Variants in DNAJC13 observed in about 807,000 individuals in gnomAD.
The protein encoded by DNAJC13 is dnaJ homolog subfamily C member 13.
In DNAJC13, 75 loss-of-function variants were observed where a neutral mutation model predicts 290.5. That is an observed-to-expected ratio of 0.26 (90% CI 0.21 to 0.31). The LOEUF is 0.31. Ranked by LOEUF, DNAJC13 falls within the 10% of genes least tolerant of loss-of-function variation. DNAJC13 has a pLI of 1.00. For synonymous variants in DNAJC13, 862 were observed against 892.0 expected (o/e 0.97, Z 0.60); for missense variants, 2,260 against 2,674.5 (o/e 0.85, Z 3.42).
At chr3:132,505,462 A>C in intron 42 of DNAJC13, 47 bp downstream of exon 42, 1 of 1,255,800 alleles carries the variant, frequency 8.0e-7, no homozygotes, top group Non-Finnish European at 1.1e-6. Flanking sequence ...TTCTGATGGA[A>C]TCTCTGGAAG....
At chr3:132,427,938 T>A (rs995035058) in intron 1 of DNAJC13, among the ~76,000 whole-genome samples, 1 of 152,202 alleles carries the variant, frequency 6.6e-6, no homozygotes, top group African/African-American at 2.4e-5. Context: ...TTATAAAAAT[T>A]CTCCAGCTTT....
At chr3:132,467,344 G>T (rs926797724) in intron 20 of DNAJC13, 31 bp downstream of exon 20, 8 of 1,609,906 alleles carry the variant, frequency 5.0e-6, no homozygotes, top group Non-Finnish European at 6.8e-6. Context: ...CAAATTCCTG[G>T]CACTTCTGTG....
chr3:132,523,457 T>C, intron 50 of DNAJC13, 83 bp from the exon 51 acceptor site: 1 of 1,456,560 alleles, frequency 6.9e-7, no homozygotes, highest in South Asian at 1.3e-5. Context: ...TGGTTAACAT[T>C]ATAAACAATT....
intron 41 of DNAJC13, among the ~76,000 whole-genome samples, chr3:132,504,845 T>G (rs1935535084): frequency 6.6e-6 from 1 of 152,146 alleles, no homozygotes; most frequent in Admixed American, 6.5e-5. Context: ...AAATCTGACT[T>G]TCTCCCCATA....
At position 132,516,505 on chromosome 3, in the gene DNAJC13, T is replaced by G. The variant is rs1420589019; in HGVS notation, c.5560+9T>G. 6.2e-7 allele frequency: 1 copy of G among 1,613,236 alleles called. No homozygotes were observed. Among genetic ancestry groups the G allele is most frequent in the East Asian group, 2.2e-5 (1 of 44,854 alleles). The stretch of plus-strand genomic sequence containing the variant: ...AGAAGCAATGGCAAAGGGTAATGTA[T>G]AGAGTGCTTTCTTAGCTAGTCATGT... On this transcript the variant is annotated intron_variant, in intron 47 of 55. Coordinates refer to ENST00000260818, the MANE Select transcript of DNAJC13 (RefSeq NM_015268.4).
chr3:132,432,196 T>G (rs557978483), intron 1 of DNAJC13, among the ~76,000 whole-genome samples: 1 of 152,164 alleles, frequency 6.6e-6, no homozygotes, highest in South Asian at 2.1e-4. Context: ...GTTTTTGTTT[T>G]GTTTTGTTTT....
At chr3:132,507,097 T>G in intron 42 of DNAJC13, 140 bp from the exon 43 acceptor site, 1 of 521,666 alleles carries the variant, frequency 1.9e-6, no homozygotes, top group Non-Finnish European at 3.4e-6. Flanking sequence ...CCAAAGTCTT[T>G]TTAAGTGCTG....
At chr3:132,496,411 A>T in intron 35 of DNAJC13, 117 bp from the exon 36 acceptor site, 1 of 993,790 alleles carries the variant, frequency 1.0e-6, no homozygotes, top group South Asian at 2.3e-5. Context: ...TGAATACCTT[A>T]ATATAAACAA....
In DNAJC13 at chr3:132,478,087, GAAGA is replaced by G. The variant is rs1934533858; in HGVS notation, c.2659_2662del (p.Glu887Ter). 6.2e-7 allele frequency: 1 copy of G among 1,613,270 alleles called. No homozygotes were observed. Among genetic ancestry groups the G allele is most frequent in the East Asian group, 2.2e-5 (1 of 44,792 alleles). On this transcript the variant is annotated frameshift_variant, in exon 24 of 56. Transcript: ENST00000260818. LOFTEE classifies it high-confidence loss of function. ...TGCTATTGTTTATGGCAGATGTCAC[GAAGA>G]AATAGGACCTTTTACAGATACCAGA...
chr3:132,427,136 T>A (rs867197828), intron 1 of DNAJC13, among the ~76,000 whole-genome samples: 5,415 of 144,220 alleles, frequency 0.038, 149 homozygotes, highest in East Asian at 0.12. Context: ...TATATATATT[T>A]TTTTTTTTTT....
At chr3:132,420,796 C>T (rs902356636) in intron 1 of DNAJC13, among the ~76,000 whole-genome samples, 2 of 152,104 alleles carry the variant, frequency 1.3e-5, no homozygotes, top group Non-Finnish European at 2.9e-5. Context: ...CAGATTAACA[C>T]AAACCCTTCA....
At chr3:132,438,943 G>C (rs1458736991) in intron 2 of DNAJC13, among the ~76,000 whole-genome samples, 2 of 152,152 alleles carry the variant, frequency 1.3e-5, no homozygotes, top group Non-Finnish European at 2.9e-5. Context: ...TTTCTGTTTT[G>C]GCCTAAGTAA....
intron 43 of DNAJC13, among the ~76,000 whole-genome samples, chr3:132,508,960 C>A (rs1935687254): frequency 6.6e-6 from 1 of 152,200 alleles, no homozygotes; most frequent in African/African-American, 2.4e-5. Context: ...CACCCAAGAG[C>A]TCCGATGGAG....
intron 20 of DNAJC13, among the ~76,000 whole-genome samples, chr3:132,470,752 G>A (rs1164331420): frequency 1.3e-3 from 140 of 106,318 alleles, no homozygotes; most frequent in African/African-American, 5.3e-3. Flanking sequence ...GGGCAGAGGC[G>A]CCCCTCACCT....
intron 50 of DNAJC13, 100 bp from the exon 51 acceptor site, chr3:132,523,440 T>C: frequency 7.3e-7 from 1 of 1,368,538 alleles, no homozygotes; most frequent in Non-Finnish European, 1.0e-6. Flanking sequence ...TATGGCTGTT[T>C]GTGGACTGGT....
chr3:132,488,110 A>G lies in DNAJC13; in HGVS notation c.3268-188A>G, dbSNP rs556181066. ...GATCAATTCTCAATTGATGTTCTGCATTAAATGTTGTAGAATGAATCATTT... is the reference window on the plus strand; with the variant it reads ...GATCAATTCTCAATTGATGTTCTGCGTTAAATGTTGTAGAATGAATCATTT... On this transcript the variant is annotated intron_variant, in intron 29 of 55. Coordinates refer to ENST00000260818, the MANE Select transcript of DNAJC13 (RefSeq NM_015268.4). Among the ~76,000 whole-genome samples, 4 of 152,326 alleles carry G rather than the reference A, an allele frequency of 2.6e-5. No individual in the cohort carries two copies. The East Asian group carries it at 7.7e-4, about 29-fold the overall frequency.
At chr3:132,435,423 T>C (rs1237663443) in intron 2 of DNAJC13, among the ~76,000 whole-genome samples, 1 of 152,206 alleles carries the variant, frequency 6.6e-6, no homozygotes, top group Admixed American at 6.5e-5. Context: ...AGTAAGTGTT[T>C]CTTCTCTCAA....
rs1175881985 is a variant in DNAJC13 at position 132,475,156 on chromosome 3, T to A, written c.2445+71T>A. The stretch of plus-strand genomic sequence containing the variant: ...TGTACTATTTGGGGAGTGATTTTTT[T>A]TAAAAAAATTTGTAATTACATATCT... On this transcript the variant is annotated intron_variant, in intron 22 of 55. Coordinates refer to ENST00000260818, the MANE Select transcript of DNAJC13 (RefSeq NM_015268.4). The A allele has an allele frequency of 5.7e-6, 7 of 1,232,070 alleles. No homozygotes were observed. In the East Asian group the frequency reaches 1.0e-4, roughly 18 times the overall value. 76.3% of individuals were successfully genotyped at this position (1,232,070 alleles called of 1,614,324 possible).
chr3:132,441,665 C>T (rs1177278240), intron 2 of DNAJC13, among the ~76,000 whole-genome samples: 1 of 152,158 alleles, frequency 6.6e-6, no homozygotes, highest in Non-Finnish European at 1.5e-5. Context: ...TATTATAATA[C>T]TGAATTACAT....
Sources: allele counts gnomAD v4.1 joint callset (sites outside exome capture counted in the v4.1 genomes callset), GRCh38; gene constraint gnomAD v4.1.1; transcripts MANE v1.5; gene names NCBI Gene and HGNC (gene_info 2026-07-23, HGNC 2026-07-21).